CBL: variants seen among roughly 807,000 people sequenced by gnomAD.
CBL encodes Cbl proto-oncogene, also known as E3 ubiquitin-protein ligase CBL.
Under a neutral mutation model 96.9 loss-of-function variants are expected in CBL, and 45 were observed. The observed-to-expected ratio is 0.46, with a 90% confidence interval of 0.37 to 0.60. The LOEUF is 0.60. CBL is among the 20% of genes least tolerant of loss of function. The pLI is 0.00. For missense variants in CBL, 1,024 were observed against 1,143.5 expected, an observed-to-expected ratio of 0.90 and a Z score of 1.51; for synonymous variants, 420 against 426.8, an observed-to-expected ratio of 0.98 and a Z score of 0.20.
At position 119,206,599 on chromosome 11, in the gene CBL, A is replaced by G; in HGVS notation, c.182A>G (p.Lys61Arg). ...AAGAAGATGGTGGAGAAGTGCTGGA[A>G]GCTCATGGACAAGGTGAAAGGCCGG... ...VDKKMVEKCW[K>R]LMDKVVRLCQ... The change falls in exon 1 of 16, where the codon AAG becomes AGG. Residue 61 changes from lysine (K) to arginine (R), a missense_variant. Lys to Arg is a conservative substitution (Grantham distance 26, BLOSUM62 2). Transcript: ENST00000264033. 1 of 1,548,340 alleles carries G rather than the reference A, an allele frequency of 6.5e-7. No homozygotes were observed. Among genetic ancestry groups the G allele is most frequent in the Non-Finnish European group, 8.7e-7 (1 of 1,146,178 alleles).
intron 2 of CBL, among the ~76,000 whole-genome samples, chr11:119,258,002 G>C (rs1006757917): frequency 6.6e-6 from 1 of 152,000 alleles, no homozygotes; most frequent in African/African-American, 2.4e-5. Context: ...TGAGGCAGGC[G>C]GGTCACTTGA....
rs745842672 is a variant in CBL, at chr11:119,299,596, C to T, written c.2536C>T (p.Pro846Ser). The change falls in exon 16 of 16, where the codon CCT (proline) becomes TCT (serine). Residue 846 changes from proline (P) to serine (S), a missense_variant. Physicochemically the swap from Pro to Ser is moderately conservative, Grantham distance 74 (BLOSUM62 -1). Coordinates refer to ENST00000264033, the MANE Select transcript of CBL (RefSeq NM_005188.4). The stretch of plus-strand genomic sequence containing the variant: ...TGGCAGCTGTCAGCAAGGTAGTGGT[C>T]CTGCCGCCTCTGCTGCCACCGCCTC... ...KAGSCQQGSG[P>S]AASAATASPQ... The T allele has an allele frequency of 2.5e-6, 4 of 1,614,164 alleles. No homozygotes were observed. The highest frequency in any genetic ancestry group is 4.5e-5 in the East Asian group (2 of 44,892).
chr11:119,243,514 A>AT (rs1949602897), intron 2 of CBL, among the ~76,000 whole-genome samples: 3 of 150,110 alleles, frequency 2.0e-5, no homozygotes, highest in Non-Finnish European at 3.0e-5. Context: ...CAAAAAAAAA[A>AT]ATTTTTTTTT....
chr11:119,211,209 T>TA (rs1478057493), intron 1 of CBL, among the ~76,000 whole-genome samples: 3 of 152,048 alleles, frequency 2.0e-5, no homozygotes, highest in Admixed American at 6.5e-5. Context: ...CTGTCTCTAC[T>TA]AAAAATACAA....
rs759022283 is a variant in CBL, at chr11:119,306,016, G to T, written c.*6235G>T. 2.8e-6 allele frequency: 1 copy of T among 351,044 alleles called. No individual in the cohort carries two copies. The highest frequency in any genetic ancestry group is 2.1e-5 in the African/African-American group (1 of 47,880). 21.7% of individuals were successfully genotyped at this position (351,044 alleles called of 1,614,324 possible). A position where few individuals can be genotyped will look rare whatever the true frequency, so the allele number is the denominator to read the frequency against. On this transcript the variant is annotated 3_prime_UTR_variant, in exon 16 of 16. Transcript: ENST00000264033. ...AGTTAAGCAGCAGAGGGACAGCAGT[G>T]CCATGTGCCTTCACTGTGTCCCAGG...
rs1322905680 is a variant in CBL at position 119,256,683 on chromosome 11, TTTG to T, written c.444-15049_444-15047del. ...AGTGTACATTGTACCCAGTATGTAG[TTTG>T]TTTTTTTTTTTTTTTAATCCCTCCC... On this transcript the variant is annotated intron_variant, in intron 2 of 15. Coordinates refer to ENST00000264033, the MANE Select transcript of CBL (RefSeq NM_005188.4). Among the ~76,000 whole-genome samples the T allele has an allele frequency of 6.0e-3, 857 of 143,794 alleles. 9 individuals are homozygous for T. The highest frequency in any genetic ancestry group is 0.02 in the African/African-American group (802 of 40,914). 94.3% of individuals were successfully genotyped at this position (143,794 alleles called of 152,430 possible).
In CBL at chr11:119,298,503, C is replaced by G; in HGVS notation, c.2397C>G (p.Ser799=). The change falls in exon 15 of 16, where the codon TCC becomes TCG. Residue 799 remains serine, a synonymous_variant. Transcript: ENST00000264033. The stretch of plus-strand genomic sequence containing the variant: ...CAGATATCTCTAATGCCAGCTCCTC[C>G]TTTGGCTGGTTGTCTCTGGATGGTG... ...TLSDISNASS[S]FGWLSLDGDP... is the part of the protein sequence containing the mutation. 1.2e-6 allele frequency: 2 copies of G among 1,614,214 alleles called. No homozygotes were observed. Among genetic ancestry groups the G allele is most frequent in the Non-Finnish European group, 1.7e-6 (2 of 1,180,036 alleles).
In CBL at chr11:119,307,494, C is replaced by A. The variant is rs896995464; in HGVS notation, c.*7713C>A. On this transcript the variant is annotated 3_prime_UTR_variant, in exon 16 of 16. Coordinates refer to ENST00000264033, the MANE Select transcript of CBL (RefSeq NM_005188.4). ...TCATTTGAAGGCTTCAGACTTAAAG[C>A]ATTAAGCAGCTAGTGCCCTCTGCAG... The A allele has an allele frequency of 5.2e-5, 12 of 231,182 alleles. No homozygotes were observed. The highest frequency in any genetic ancestry group is 2.7e-4 in the African/African-American group (12 of 45,178). The allele number at this position is 231,182 out of a possible 1,614,324, so 14.3% of individuals were successfully genotyped here. A position where few individuals can be genotyped will look rare whatever the true frequency, so the allele number is the denominator to read the frequency against.
rs762416393 is a variant in CBL at position 119,302,009 on chromosome 11, C to T, written c.*2228C>T. 1 of 232,956 alleles carries T rather than the reference C, an allele frequency of 4.3e-6. No homozygotes were observed. The highest frequency in any genetic ancestry group is 8.5e-6 in the Non-Finnish European group (1 of 117,962). The allele number at this position is 232,956 out of a possible 1,614,324, so 14.4% of individuals were successfully genotyped here. On this transcript the variant is annotated 3_prime_UTR_variant, in exon 16 of 16. Coordinates refer to ENST00000264033, the MANE Select transcript of CBL (RefSeq NM_005188.4). ...GGAAGACAAAGCATTGGCTATATAT[C>T]TTTTGCCTTTTCCATGCATCTAAAT... is the stretch of plus-strand genomic sequence containing the variant.
At position 119,301,071 on chromosome 11, in the gene CBL, C is replaced by A. The variant is rs1187717551; in HGVS notation, c.*1290C>A. ...CAGCCTCTTGCTGATGGCACCTTCC[C>A]TGCATTGCTGCCTCCCGATGATGTG... On this transcript the variant is annotated 3_prime_UTR_variant, in exon 16 of 16. Coordinates refer to ENST00000264033, the MANE Select transcript of CBL (RefSeq NM_005188.4). 2 of 233,436 alleles carry A rather than the reference C, an allele frequency of 8.6e-6. No homozygotes were observed. Among genetic ancestry groups the A allele is most frequent in the South Asian group, 3.6e-4 (2 of 5,528 alleles). The allele number at this position is 233,436 out of a possible 1,614,324, so 14.5% of individuals were successfully genotyped here.
At position 119,297,366 on chromosome 11, in the gene CBL, A is replaced by G. The variant is rs777796354; in HGVS notation, c.2154-18A>G. The G allele has an allele frequency of 6.4e-7, 1 of 1,572,500 alleles. No individual in the cohort carries two copies. Among genetic ancestry groups the G allele is most frequent in the East Asian group, 2.2e-5 (1 of 44,726 alleles). ...TTCTATTTCCAAAGATCATTATGGC[A>G]CTTTCCTTCTGGTTCAGAGCATGTG... is the stretch of plus-strand genomic sequence containing the variant. On this transcript the variant is annotated intron_variant, in intron 13 of 15. Transcript: ENST00000264033.
intron 1 of CBL, among the ~76,000 whole-genome samples, chr11:119,224,721 G>T (rs2077020686): frequency 6.6e-6 from 1 of 151,996 alleles, no homozygotes; most frequent in African/African-American, 2.4e-5. Context: ...CTCCTGAGTA[G>T]CTGGGATTAC....
Position 119,243,286 on chromosome 11 carries a change from G to C in CBL, c.443+10591G>C, listed in dbSNP as rs147918573. On this transcript the variant is annotated intron_variant, in intron 2 of 15. Coordinates refer to ENST00000264033, the MANE Select transcript of CBL (RefSeq NM_005188.4). The stretch of plus-strand genomic sequence containing the variant: ...GAGCAAGACTCAATCTCAAAAAGAA[G>C]ATAAGACTTAGAATTTTGCTTAATA... 3.7e-4 allele frequency among the ~76,000 whole-genome samples: 57 copies of C among 152,040 alleles called. No individual in the cohort carries two copies. In the East Asian group the frequency reaches 0.011, roughly 29 times the overall value.
At chr11:119,244,672 C>G (rs1232387804) in intron 2 of CBL, among the ~76,000 whole-genome samples, 1 of 150,576 alleles carries the variant, frequency 6.6e-6, no homozygotes, top group East Asian at 2.0e-4. Flanking sequence ...AGCTCCGCCT[C>G]CCGGGTTCAT....
intron 9 of CBL, among the ~76,000 whole-genome samples, chr11:119,283,625 C>CTTTCTTTTT (rs1949955222): frequency 1.3e-4 from 6 of 45,512 alleles, no homozygotes; most frequent in African/African-American, 3.9e-4. Context: ...TTAATTCTTT[C>CTTTCTTTTT]TTTTTTTTTT....
chr11:119,269,319 T>C (rs1179916339), intron 2 of CBL, among the ~76,000 whole-genome samples: 2 of 147,024 alleles, frequency 1.4e-5, no homozygotes, highest in Non-Finnish European at 3.0e-5. Context: ...CAATCTCAGC[T>C]CACTGCAACC....
rs554983473 is a variant in CBL, at chr11:119,225,726, T to TTC, written c.196-6721_196-6720insCT. On this transcript the variant is annotated intron_variant, in intron 1 of 15. Transcript: ENST00000264033. ...TATCCAGCCAATATAAATATTTTCT[T>TTC]TTTTTTTTTTTTTTTTTTGAGACAG... Among the ~76,000 whole-genome samples the TTC allele has an allele frequency of 1.7e-3, 238 of 142,834 alleles. 2 individuals are homozygous for TTC. Among genetic ancestry groups the TTC allele is most frequent in the African/African-American group, 5.7e-3 (219 of 38,690 alleles). The allele number at this position is 142,834 out of a possible 152,430, so 93.7% of individuals were successfully genotyped here.
chr11:119,255,042 G>A (rs1370736301), intron 2 of CBL, among the ~76,000 whole-genome samples: 1 of 152,134 alleles, frequency 6.6e-6, no homozygotes, highest in Non-Finnish European at 1.5e-5. Context: ...TGGCGTGCTT[G>A]GATTGGGGCA....
At chr11:119,277,274 A>C (rs1489743375) in intron 6 of CBL, among the ~76,000 whole-genome samples, 2 of 101,232 alleles carry the variant, frequency 2.0e-5, no homozygotes, top group African/African-American at 9.4e-5. Flanking sequence ...CACACACATA[A>C]AGAATTTCTA....
Sources: allele counts gnomAD v4.1 joint callset (sites outside exome capture counted in the v4.1 genomes callset), GRCh38; gene constraint gnomAD v4.1.1; transcripts MANE v1.5; gene names NCBI Gene and HGNC (gene_info 2026-07-23, HGNC 2026-07-21).